Variants in SYT1 observed in about 807,000 individuals in gnomAD.
The protein encoded by SYT1 is synaptotagmin 1.
SYT1 carries 8 observed loss-of-function variants against 44.8 expected under a neutral mutation model. That is an observed-to-expected ratio of 0.18 (90% CI 0.10 to 0.32). The LOEUF is 0.32. Ranked by LOEUF, SYT1 falls within the 10% of genes least tolerant of loss-of-function variation. The pLI is 1.00. For missense variants in SYT1, 286 were observed against 509.3 expected (o/e 0.56, Z 4.22); for synonymous variants, 154 against 188.8 (o/e 0.82, Z 1.51).
At chr12:79,293,395 TAAAATAAAATAAAA>T (rs2138857935) in intron 6 of SYT1, among the ~76,000 whole-genome samples, 1 of 55,742 alleles carries the variant, frequency 1.8e-5, no homozygotes, top group East Asian at 6.8e-4. Context: ...TAAAATAAAA[TAAAATAAAATAAAA>T]TTAAAAAATC....
chr12:78,928,923 G>C (rs970357779), intron 1 of SYT1, among the ~76,000 whole-genome samples: 4 of 151,848 alleles, frequency 2.6e-5, no homozygotes, highest in Admixed American at 6.6e-5. Context: ...TATTCCATTG[G>C]GAATAATTTA....
intron 2 of SYT1, among the ~76,000 whole-genome samples, chr12:79,007,553 AC>A (rs1871172653): frequency 6.6e-6 from 1 of 152,112 alleles, no homozygotes; most frequent in Non-Finnish European, 1.5e-5. Flanking sequence ...GCCCTTAAGG[AC>A]CTCTATGTCA....
chr12:79,175,844 A>G (rs1410271320), intron 3 of SYT1, among the ~76,000 whole-genome samples: 3 of 152,064 alleles, frequency 2.0e-5, no homozygotes, highest in African/African-American at 4.8e-5. Flanking sequence ...TATTGCTTCT[A>G]AGACCTGGGG....
At chr12:79,186,044 G>A (rs536883390) in intron 3 of SYT1, among the ~76,000 whole-genome samples, 1 of 151,860 alleles carries the variant, frequency 6.6e-6, no homozygotes, top group Non-Finnish European at 1.5e-5. Flanking sequence ...CTTTTCCCCT[G>A]ACACCAAAGG....
chr12:79,073,972 T>G (rs1592723684), intron 3 of SYT1, among the ~76,000 whole-genome samples: 2 of 152,330 alleles, frequency 1.3e-5, no homozygotes, highest in East Asian at 3.9e-4. Context: ...GATCATTTGC[T>G]TATTTAACTA....
At chr12:79,157,451 G>A (rs916218501) in intron 3 of SYT1, among the ~76,000 whole-genome samples, 6 of 152,130 alleles carry the variant, frequency 3.9e-5, no homozygotes, top group Admixed American at 3.9e-4. Context: ...GAAATAGAAA[G>A]TGACAAAAAG....
At chr12:79,209,697 C>G (rs559636262) in intron 3 of SYT1, among the ~76,000 whole-genome samples, 4 of 152,264 alleles carry the variant, frequency 2.6e-5, no homozygotes, top group African/African-American at 9.6e-5. Flanking sequence ...GGGGAAGAGG[C>G]TGAAATCCTT....
At chr12:78,948,636 T>C (rs1878796148) in intron 1 of SYT1, among the ~76,000 whole-genome samples, 1 of 151,982 alleles carries the variant, frequency 6.6e-6, no homozygotes. Context: ...TTTATTAACC[T>C]AAGGCATGAC....
intron 1 of SYT1, among the ~76,000 whole-genome samples, chr12:78,909,129 T>C (rs2137120792): frequency 6.6e-6 from 1 of 152,002 alleles, no homozygotes; most frequent in South Asian, 2.1e-4. Flanking sequence ...GTTACTGTTT[T>C]TTCTAGCCTC....
chr12:79,219,628 C>T (rs1166919639), intron 4 of SYT1, among the ~76,000 whole-genome samples: 1 of 151,992 alleles, frequency 6.6e-6, no homozygotes, highest in African/African-American at 2.4e-5. Flanking sequence ...GGGTTCTTGG[C>T]TCTTTTGTTG....
chr12:78,893,879 A>G (rs1261852978), intron 1 of SYT1, among the ~76,000 whole-genome samples: 1 of 151,636 alleles, frequency 6.6e-6, no homozygotes, highest in East Asian at 1.9e-4. Context: ...TGCCCTCTGC[A>G]TTTCTCCTGA....
At chr12:79,318,358 C>G (rs988773531) in intron 8 of SYT1, among the ~76,000 whole-genome samples, 8 of 152,214 alleles carry the variant, frequency 5.3e-5, no homozygotes, top group African/African-American at 1.9e-4. Context: ...TTTCACTCTC[C>G]TCTGTGACCT....
intron 4 of SYT1, among the ~76,000 whole-genome samples, chr12:79,258,258 GT>G (rs1188574287): frequency 5.3e-5 from 8 of 152,086 alleles, no homozygotes; most frequent in African/African-American, 1.4e-4. Context: ...GGAAAACAGG[GT>G]TTTATGCTTC....
intron 4 of SYT1, 104 bp from the exon 5 acceptor site, chr12:79,285,683 C>A: frequency 1.2e-6 from 1 of 859,188 alleles, no homozygotes; most frequent in Non-Finnish European, 1.8e-6. Flanking sequence ...AACAGGTGCT[C>A]AAAAATGCAA....
intron 9 of SYT1, among the ~76,000 whole-genome samples, chr12:79,439,040 C>T (rs1411364646): frequency 6.6e-6 from 1 of 152,160 alleles, no homozygotes; most frequent in Non-Finnish European, 1.5e-5. Flanking sequence ...ACTACCACAT[C>T]TCTAACAAAA....
chr12:79,445,885 A>G (rs1055528678), intron 10 of SYT1, among the ~76,000 whole-genome samples: 3 of 145,368 alleles, frequency 2.1e-5, no homozygotes, highest in Non-Finnish European at 4.5e-5. Flanking sequence ...TATATATAAA[A>G]TATATATTTT....
chr12:79,261,154 C>G (rs1269452550), intron 4 of SYT1, among the ~76,000 whole-genome samples: 1 of 152,160 alleles, frequency 6.6e-6, no homozygotes, highest in Admixed American at 6.5e-5. Flanking sequence ...AGTTAGTGTA[C>G]TTTAGAGCCA....
chr12:79,205,213 C>T (rs532649179), intron 3 of SYT1, among the ~76,000 whole-genome samples: 6 of 152,204 alleles, frequency 3.9e-5, no homozygotes, highest in Admixed American at 1.3e-4. Context: ...CTGCCCGCCT[C>T]GGCCTCCCAA....
chr12:79,167,252 T>G (rs1871271610), intron 3 of SYT1, among the ~76,000 whole-genome samples: 1 of 152,044 alleles, frequency 6.6e-6, no homozygotes, highest in Non-Finnish European at 1.5e-5. Flanking sequence ...AGGGCATACT[T>G]TGGGTATCTA....
Sources: allele counts gnomAD v4.1 joint callset (sites outside exome capture counted in the v4.1 genomes callset), GRCh38; gene constraint gnomAD v4.1.1; transcripts MANE v1.5; gene names NCBI Gene and HGNC (gene_info 2026-07-23, HGNC 2026-07-21).